The following IL1RAPL1 variants were observed in gnomAD, a reference collection of about 807,000 sequenced individuals.
The protein encoded by IL1RAPL1 is interleukin-1 receptor accessory protein-like 1.
IL1RAPL1 carries 3 observed loss-of-function variants against 48.4 expected under a neutral mutation model. The ratio of observed to expected loss-of-function variants is 0.06; its 90% CI spans 0.03 to 0.16. The LOEUF (loss-of-function observed/expected upper bound fraction) is 0.16. Ranked by LOEUF, IL1RAPL1 falls within the 10% of genes least tolerant of loss-of-function variation. IL1RAPL1 has a pLI of 1.00. For synonymous variants in IL1RAPL1, 185 were observed against 187.7 expected (o/e 0.99, Z 0.12); for missense variants, 349 against 530.6 (o/e 0.66, Z 3.36).
chrX:29,740,122 G>GAA (rs1172511347), intron 6 of IL1RAPL1, among the ~76,000 whole-genome samples: 8,695 of 52,128 alleles, frequency 0.17, 467 homozygotes, highest in Non-Finnish European at 0.21. Flanking sequence ...CAAAAAAACA[G>GAA]AAAAAAAAAA....
intron 5 of IL1RAPL1, among the ~76,000 whole-genome samples, chrX:29,545,114 A>T (rs1921574377): frequency 9.1e-6 from 1 of 110,193 alleles, no homozygotes; most frequent in Non-Finnish European, 1.9e-5. Flanking sequence ...GAACTATGAG[A>T]AATTTCCATT....
intron 2 of IL1RAPL1, among the ~76,000 whole-genome samples, chrX:28,893,516 A>T (rs751687539): frequency 1.8e-5 from 2 of 111,618 alleles, no homozygotes; most frequent in South Asian, 3.8e-4. Flanking sequence ...CTAACTATCC[A>T]GTGAAAGTGT....
intron 5 of IL1RAPL1, among the ~76,000 whole-genome samples, chrX:29,640,723 C>G (rs1214889509): frequency 8.9e-6 from 1 of 112,382 alleles, no homozygotes; most frequent in East Asian, 2.8e-4. Flanking sequence ...CTGCTGCTGT[C>G]TTAATCCAAA....
At chrX:29,597,149 A>ATTTTTTTTTTT (rs35180262) in intron 5 of IL1RAPL1, among the ~76,000 whole-genome samples, 7 of 55,942 alleles carry the variant, frequency 1.3e-4, no homozygotes, top group African/African-American at 4.7e-4. Context: ...TTTGTTGAGG[A>ATTTTTTTTTTT]TTTTTTTTTT....
At chrX:28,752,186 C>T (rs1341188736) in intron 1 of IL1RAPL1, among the ~76,000 whole-genome samples, 1 of 111,542 alleles carries the variant, frequency 9.0e-6, no homozygotes, top group African/African-American at 3.3e-5. Flanking sequence ...ACATTCTCTC[C>T]ATTTTCTTTT....
At chrX:29,588,982 C>G (rs569116067) in intron 5 of IL1RAPL1, among the ~76,000 whole-genome samples, 1 of 111,832 alleles carries the variant, frequency 8.9e-6, no homozygotes, top group East Asian at 2.9e-4. Flanking sequence ...GAGTCCAGCT[C>G]TGCTACTCCT....
chrX:29,889,375 C>A (rs922480002), intron 6 of IL1RAPL1, among the ~76,000 whole-genome samples: 2 of 111,783 alleles, frequency 1.8e-5, no homozygotes, highest in Admixed American at 9.5e-5. Context: ...GCACTTCAAA[C>A]TTCCTATTTT....
chrX:29,879,608 T>C (rs1018687535), intron 6 of IL1RAPL1, among the ~76,000 whole-genome samples: 4 of 109,658 alleles, frequency 3.6e-5, no homozygotes, highest in African/African-American at 1.3e-4. Context: ...ATCATCTGTG[T>C]GGAGGGACTT....
chrX:29,623,207 G>A (rs967121685), intron 5 of IL1RAPL1, among the ~76,000 whole-genome samples: 4 of 108,535 alleles, frequency 3.7e-5, no homozygotes, highest in East Asian at 2.9e-4. Flanking sequence ...GCATGAACCC[G>A]GGAGATGGAG....
chrX:29,091,251 T>A (rs1419628194), intron 2 of IL1RAPL1, among the ~76,000 whole-genome samples: 1 of 112,298 alleles, frequency 8.9e-6, no homozygotes, highest in Non-Finnish European at 1.9e-5. Flanking sequence ...TGCTAGAAGA[T>A]GAGCTTGCCT....
chrX:29,360,199 G>A (rs1933357804), intron 3 of IL1RAPL1, among the ~76,000 whole-genome samples: 1 of 112,114 alleles, frequency 8.9e-6, no homozygotes, highest in Non-Finnish European at 1.9e-5. Context: ...TTACTGAGGT[G>A]TGGCTTTATG....
At chrX:29,221,838 C>T (rs1486283296) in intron 2 of IL1RAPL1, among the ~76,000 whole-genome samples, 1 of 109,446 alleles carries the variant, frequency 9.1e-6, no homozygotes, top group African/African-American at 3.3e-5. Context: ...TGGTGAAATC[C>T]CATCTCTACT....
At chrX:29,287,970 C>A (rs896557866) in intron 3 of IL1RAPL1, among the ~76,000 whole-genome samples, 6 of 111,199 alleles carry the variant, frequency 5.4e-5, no homozygotes, top group African/African-American at 1.6e-4. Flanking sequence ...TCTAAAAATT[C>A]TGCCAAGTGC....
At chrX:28,674,096 C>A (rs191392771) in intron 1 of IL1RAPL1, among the ~76,000 whole-genome samples, 11 of 111,763 alleles carry the variant, frequency 9.8e-5, no homozygotes, top group Non-Finnish European at 1.5e-4. Flanking sequence ...TCAAACAATG[C>A]GATTGTTTTG....
At chrX:28,594,108 T>C (rs1452060298) in intron 1 of IL1RAPL1, among the ~76,000 whole-genome samples, 3 of 111,751 alleles carry the variant, frequency 2.7e-5, no homozygotes, top group African/African-American at 9.7e-5. Context: ...TTCCTTGGAG[T>C]AACTCCTGCA....
intron 2 of IL1RAPL1, among the ~76,000 whole-genome samples, chrX:28,994,091 G>C (rs190034552): frequency 2.0e-4 from 22 of 110,666 alleles, no homozygotes; most frequent in African/African-American, 7.2e-4. Flanking sequence ...TATGATATGT[G>C]GGTGAAATAG....
intron 5 of IL1RAPL1, among the ~76,000 whole-genome samples, chrX:29,403,548 A>G (rs922526171): frequency 5.4e-5 from 6 of 111,887 alleles, no homozygotes; most frequent in Non-Finnish European, 9.4e-5. Context: ...ACTGGGATAT[A>G]GTTGTTTTGA....
intron 2 of IL1RAPL1, among the ~76,000 whole-genome samples, chrX:28,820,454 A>G (rs767844533): frequency 9.0e-6 from 1 of 111,178 alleles, no homozygotes; most frequent in Admixed American, 9.6e-5. Flanking sequence ...TCAGTGACAT[A>G]TATCATTTGG....
intron 2 of IL1RAPL1, among the ~76,000 whole-genome samples, chrX:29,094,938 A>G (rs765858507): frequency 9.2e-4 from 99 of 107,127 alleles, no homozygotes; most frequent in African/African-American, 2.8e-3. Context: ...ATTGATTTTT[A>G]ATTTCAGTTA....
Sources: allele counts gnomAD v4.1 joint callset (sites outside exome capture counted in the v4.1 genomes callset), GRCh38; gene constraint gnomAD v4.1.1; transcripts MANE v1.5; gene names NCBI Gene and HGNC (gene_info 2026-07-23, HGNC 2026-07-21).